UTRN: variants seen among roughly 807,000 people sequenced by gnomAD.
UTRN encodes the protein utrophin, also known as dystrophin-related protein 1.
Under a neutral mutation model 463.9 loss-of-function variants are expected in UTRN, and 283 were observed. The observed-to-expected ratio is 0.61, with a 90% CI of 0.55 to 0.67. The LOEUF (loss-of-function observed/expected upper bound fraction) is 0.67, where lower values mean the gene tolerates loss of function less well. Among genes scored for constraint, UTRN ranks in the 30% least tolerant of loss-of-function variants. UTRN has a pLI of 0.00. For synonymous variants in UTRN, 1,442 were observed against 1,431.5 expected (o/e 1.01, Z -0.17); for missense variants, 3,922 against 4,084.3 (o/e 0.96, Z 1.08).
chr6:144,781,860 T>C (rs1205259627), intron 60 of UTRN, 62 bp from the exon 61 acceptor site: 5 of 1,257,860 alleles, frequency 4.0e-6, no homozygotes, highest in Non-Finnish European at 5.7e-6. Context: ...TTTGTTGTGA[T>C]GTTGTTATGT....
At chr6:144,812,447 C>T (rs1778704832) in intron 65 of UTRN, among the ~76,000 whole-genome samples, 1 of 152,154 alleles carries the variant, frequency 6.6e-6, no homozygotes, top group Admixed American at 6.5e-5. Context: ...AGGGAACTTT[C>T]AGCCATGTAT....
chr6:144,564,352 G>C (rs1800203748), intron 50 of UTRN, among the ~76,000 whole-genome samples: 2 of 152,108 alleles, frequency 1.3e-5, no homozygotes, highest in Non-Finnish European at 2.9e-5. Context: ...AGAGTGAACA[G>C]CAAATATAAA....
intron 51 of UTRN, among the ~76,000 whole-genome samples, chr6:144,582,415 T>G (rs1197786391): frequency 1.3e-5 from 2 of 152,130 alleles, no homozygotes; most frequent in African/African-American, 4.8e-5. Context: ...TTTACCCCAG[T>G]TGATATTTGC....
chr6:144,590,882 GCACACACA>G (rs10612567), intron 51 of UTRN, among the ~76,000 whole-genome samples: 2 of 147,084 alleles, frequency 1.4e-5, no homozygotes, highest in Non-Finnish European at 3.0e-5. Flanking sequence ...ACACGCACAT[GCACACACA>G]CACACACACA....
At chr6:144,534,640 A>G (rs931970474) in intron 43 of UTRN, among the ~76,000 whole-genome samples, 3 of 152,216 alleles carry the variant, frequency 2.0e-5, no homozygotes, top group Admixed American at 1.3e-4. Flanking sequence ...AATTTTGCCA[A>G]TGATTGATTA....
At chr6:144,803,260 G>T in intron 65 of UTRN, 113 bp downstream of exon 65, 1 of 650,118 alleles carries the variant, frequency 1.5e-6, no homozygotes. Flanking sequence ...TCACTTTGAA[G>T]ATTTTTTTTT....
At chr6:144,718,026 G>A (rs9497057) in intron 53 of UTRN, among the ~76,000 whole-genome samples, 13,023 of 152,078 alleles carry the variant, frequency 0.086, 1,900 homozygotes, top group African/African-American at 0.3. Flanking sequence ...TCCTGCAAAC[G>A]GAGGGCTTTG....
chr6:144,553,398 TTCC>T (rs1799096353), intron 48 of UTRN, among the ~76,000 whole-genome samples: 1 of 152,154 alleles, frequency 6.6e-6, no homozygotes, highest in African/African-American at 2.4e-5. Flanking sequence ...TGCCAAAGTG[TTCC>T]ATGATAACTC....
At chr6:144,459,437 T>A in intron 21 of UTRN, 83 bp downstream of exon 21, 4 of 1,417,484 alleles carry the variant, frequency 2.8e-6, no homozygotes, top group Non-Finnish European at 3.8e-6. Flanking sequence ...TTGAGTACAC[T>A]TGCTTGCTTT....
chr6:144,410,074 C>T (rs1247150217), intron 3 of UTRN, among the ~76,000 whole-genome samples: 1 of 152,130 alleles, frequency 6.6e-6, no homozygotes, highest in African/African-American at 2.4e-5. Flanking sequence ...GCTTGAAAAA[C>T]TGGAGACTGG....
At position 144,496,905 on chromosome 6, in the gene UTRN, T is replaced by G. The variant is rs77348611; in HGVS notation, c.4594-2352T>G. Among the ~76,000 whole-genome samples, 620 of 152,216 alleles carry G rather than the reference T, an allele frequency of 4.1e-3. 5 individuals carry two copies. Among genetic ancestry groups the G allele is most frequent in the African/African-American group, 0.013 (535 of 41,538 alleles). On this transcript the variant is annotated intron_variant, in intron 33 of 74. Coordinates refer to ENST00000367545, the MANE Select transcript of UTRN (RefSeq NM_007124.3). ...AGATTTCTAGACTGATAAAACAGTA[T>G]ATATAAAAGCTCTAAGGCAGGAGGC... is the stretch of plus-strand genomic sequence containing the variant.
intron 2 of UTRN, among the ~76,000 whole-genome samples, chr6:144,360,815 T>C (rs1178805327): frequency 1.3e-5 from 2 of 152,188 alleles, no homozygotes; most frequent in Non-Finnish European, 2.9e-5. Flanking sequence ...AATGACCTTT[T>C]TATTATTGGC....
At chr6:144,333,496 T>C (rs1776487217) in intron 2 of UTRN, among the ~76,000 whole-genome samples, 1 of 152,210 alleles carries the variant, frequency 6.6e-6, no homozygotes, top group African/African-American at 2.4e-5. Flanking sequence ...GCAACACTTA[T>C]CTTGTAAATT....
intron 2 of UTRN, among the ~76,000 whole-genome samples, chr6:144,361,454 A>G (rs550502692): frequency 6.6e-6 from 1 of 152,356 alleles, no homozygotes; most frequent in East Asian, 1.9e-4. Flanking sequence ...TGTTTGAGTT[A>G]AAACCATCCA....
chr6:144,560,464 C>A (rs749930767), intron 50 of UTRN, among the ~76,000 whole-genome samples: 2 of 152,036 alleles, frequency 1.3e-5, no homozygotes, highest in African/African-American at 4.8e-5. Flanking sequence ...GCCATCACAC[C>A]CCGTCTAATG....
At chr6:144,808,379 ATTTC>A (rs1375582316) in intron 65 of UTRN, among the ~76,000 whole-genome samples, 1 of 152,088 alleles carries the variant, frequency 6.6e-6, no homozygotes, top group African/African-American at 2.4e-5. Flanking sequence ...TCAGATTTAA[ATTTC>A]TTTTTTATTT....
chr6:144,480,128 G>A, intron 26 of UTRN, 146 bp downstream of exon 26: 1 of 1,049,254 alleles, frequency 9.5e-7, no homozygotes, highest in East Asian at 2.9e-5. Flanking sequence ...AACATAACAG[G>A]GTAGCTGCTC....
intron 52 of UTRN, among the ~76,000 whole-genome samples, chr6:144,695,346 C>CTT (rs202017323): frequency 4.9e-5 from 7 of 142,788 alleles, no homozygotes; most frequent in Admixed American, 2.1e-4. Flanking sequence ...CATGATTAAA[C>CTT]TTTTTTTTTT....
intron 24 of UTRN, among the ~76,000 whole-genome samples, chr6:144,474,178 A>G (rs1790952914): frequency 6.6e-6 from 1 of 151,138 alleles, no homozygotes; most frequent in African/African-American, 2.4e-5. Context: ...CTGTTCATCA[A>G]ATTCATTTAA....
Sources: allele counts gnomAD v4.1 joint callset (sites outside exome capture counted in the v4.1 genomes callset), GRCh38; gene constraint gnomAD v4.1.1; transcripts MANE v1.5; gene names NCBI Gene and HGNC (gene_info 2026-07-23, HGNC 2026-07-21).